Variants in CPPED1 observed in about 807,000 individuals in gnomAD.
The protein encoded by CPPED1 is calcineurin like phosphoesterase domain containing 1, also known as serine/threonine-protein phosphatase CPPED1.
Under a neutral mutation model 28.0 loss-of-function variants are expected in CPPED1, and 28 were observed. The observed-to-expected ratio is 1.00, with a 90% confidence interval of 0.74 to 1.37. The LOEUF (loss-of-function observed/expected upper bound fraction) is 1.37. Among genes scored for constraint, CPPED1 ranks in the 40% most tolerant of loss-of-function variants. CPPED1 has a pLI of 0.00. For synonymous variants in CPPED1, 198 were observed against 180.2 expected (o/e 1.10, Z -0.79); for missense variants, 504 against 416.5 (o/e 1.21, Z -1.83).
At position 12,682,178 on chromosome 16, in the gene CPPED1, G is replaced by A. The variant is rs376414974; in HGVS notation, c.716-17063C>T. Reference sequence around the variant, plus strand: ...GCCTCCCGAGTAGCTGAGATTACAGGTTCCCGCTACCATGCCCAGCTAATT... The same window carrying A: ...GCCTCCCGAGTAGCTGAGATTACAGATTCCCGCTACCATGCCCAGCTAATT... On this transcript the variant is annotated intron_variant, in intron 3 of 3. Coordinates refer to ENST00000381774, the MANE Select transcript of CPPED1 (RefSeq NM_018340.3). This position sits in a 1 kb window ranked among gnomAD's most constrained non-coding sequence, Gnocchi z 6.1. 1.8e-4 allele frequency among the ~76,000 whole-genome samples: 27 copies of A among 152,122 alleles called. No individual in the cohort carries two copies. Among genetic ancestry groups the A allele is most frequent in the African/African-American group, 6.5e-4 (27 of 41,488 alleles).
chr16:12,707,624 T>C (rs1210423860), intron 2 of CPPED1, among the ~76,000 whole-genome samples: 3 of 152,070 alleles, frequency 2.0e-5, no homozygotes, highest in African/African-American at 7.2e-5. Flanking sequence ...GAATCCCTAA[T>C]GACCATAAAC....
chr16:12,800,365 G>A (rs1207243062), intron 1 of CPPED1, among the ~76,000 whole-genome samples: 3 of 151,842 alleles, frequency 2.0e-5, no homozygotes, highest in Admixed American at 2.0e-4. Flanking sequence ...TTGAACGTGG[G>A]AGGTGGAGGT....
At chr16:12,767,837 G>A (rs1471677250) in intron 2 of CPPED1, among the ~76,000 whole-genome samples, 1 of 152,124 alleles carries the variant, frequency 6.6e-6, no homozygotes, top group East Asian at 1.9e-4. Flanking sequence ...GGCACCTGTA[G>A]TCCCAGTTAC....
intron 3 of CPPED1, among the ~76,000 whole-genome samples, chr16:12,668,591 CTAA>C (rs1321878438): frequency 6.6e-6 from 1 of 152,134 alleles, no homozygotes; most frequent in East Asian, 1.9e-4. Context: ...AATCATGTAT[CTAA>C]TAAGGGTCTA....
intron 3 of CPPED1, among the ~76,000 whole-genome samples, chr16:12,684,095 C>A (rs181387845): frequency 3.6e-4 from 55 of 152,328 alleles, no homozygotes; most frequent in African/African-American, 1.3e-3. Context: ...CCACACACAG[C>A]TGCATGGGGG....
At position 12,704,946 on chromosome 16, in the gene CPPED1, G is replaced by A; in HGVS notation, c.393C>T (p.Gly131=). 1 of 1,614,180 alleles carries A rather than the reference G, an allele frequency of 6.2e-7. No homozygotes were observed. Among genetic ancestry groups the A allele is most frequent in the Non-Finnish European group, 8.5e-7 (1 of 1,180,036 alleles). The change falls in exon 3 of 4, where the codon GGC becomes GGT. Residue 131 remains glycine (G), a synonymous_variant. Transcript: ENST00000381774. ...LVLVSGNHDI[G]NTPTAETVEE... is the part of the protein sequence containing the mutation. The stretch of plus-strand genomic sequence containing the variant: ...CGACGGTCTCGGCCGTGGGGGTGTT[G>A]CCAATGTCATGGTTGCCGCTGACAA...
At chr16:12,788,087 C>T (rs2080575060) in intron 1 of CPPED1, among the ~76,000 whole-genome samples, 1 of 152,330 alleles carries the variant, frequency 6.6e-6, no homozygotes, top group East Asian at 1.9e-4. Flanking sequence ...TCCAATATGG[C>T]AGCTTGCAAT....
At chr16:12,760,135 T>C (rs1203875128) in intron 2 of CPPED1, among the ~76,000 whole-genome samples, 1 of 152,230 alleles carries the variant, frequency 6.6e-6, no homozygotes, top group East Asian at 1.9e-4. Flanking sequence ...GTGCTGAGTA[T>C]GACGCTGAAT....
intron 3 of CPPED1, among the ~76,000 whole-genome samples, chr16:12,694,051 C>A (rs536615055): frequency 6.6e-6 from 1 of 152,058 alleles, no homozygotes; most frequent in Non-Finnish European, 1.5e-5. Context: ...TCTAAAAATA[C>A]AAAAATTAGC....
At chr16:12,772,652 A>T (rs2080476624) in intron 2 of CPPED1, among the ~76,000 whole-genome samples, 1 of 152,198 alleles carries the variant, frequency 6.6e-6, no homozygotes, top group South Asian at 2.1e-4. Context: ...ACTTCTGAAA[A>T]TGCAGTTACT....
At chr16:12,789,496 C>G (rs1175654121) in intron 1 of CPPED1, among the ~76,000 whole-genome samples, 1 of 152,028 alleles carries the variant, frequency 6.6e-6, no homozygotes, top group East Asian at 1.9e-4. Context: ...AGCCAAACAA[C>G]AAGCCAGGAA....
At position 12,704,739 on chromosome 16, in the gene CPPED1, G is replaced by C. The variant is rs372330123; in HGVS notation, c.600C>G (p.Ala200=). Residue 200 remains alanine (A), a synonymous_variant, in exon 3 of 4, where the codon GCC becomes GCG. Coordinates refer to ENST00000381774, the MANE Select transcript of CPPED1 (RefSeq NM_018340.3). ...ACAGCGGGATGTGCTGGAAGACGAT[G>C]GCATGCTGGCAGTGCCGCTGCCTCG... The part of the protein sequence containing the change: ...SIARQRHCQH[A]IVFQHIPLFL... The C allele has an allele frequency of 1.2e-6, 2 of 1,614,094 alleles. No individual in the cohort carries two copies. Among genetic ancestry groups the C allele is most frequent in the Non-Finnish European group, 1.7e-6 (2 of 1,180,042 alleles).
intron 2 of CPPED1, among the ~76,000 whole-genome samples, chr16:12,743,857 T>G (rs1320031446): frequency 6.6e-6 from 1 of 151,920 alleles, no homozygotes; most frequent in East Asian, 1.9e-4. Flanking sequence ...ATACAAACAT[T>G]ACCCAGGAGT....
chr16:12,739,630 G>C (rs1336490113), intron 2 of CPPED1, among the ~76,000 whole-genome samples: 1 of 152,118 alleles, frequency 6.6e-6, no homozygotes, highest in Non-Finnish European at 1.5e-5. Context: ...CAAGAGTGGG[G>C]CAGATTGCTA....
chr16:12,791,221 C>T (rs1376512954), intron 1 of CPPED1, among the ~76,000 whole-genome samples: 2 of 151,964 alleles, frequency 1.3e-5, no homozygotes, highest in Non-Finnish European at 2.9e-5. Context: ...CCCTTGCCCC[C>T]GACCTCCCAA....
chr16:12,691,616 T>C (rs1040158000), intron 3 of CPPED1, among the ~76,000 whole-genome samples: 3 of 152,100 alleles, frequency 2.0e-5, no homozygotes, highest in African/African-American at 7.2e-5. Flanking sequence ...ATATACAGCA[T>C]GGAATACTAT....
rs113544358 is a variant in CPPED1 at position 12,709,905 on chromosome 16, G to GGGGAAGGAA, written c.290-4865_290-4857dup. 6.6e-4 allele frequency among the ~76,000 whole-genome samples: 89 copies of GGGGAAGGAA among 135,100 alleles called. 1 individual carries two copies. Among genetic ancestry groups the GGGGAAGGAA allele is most frequent in the Non-Finnish European group, 8.1e-4 (53 of 65,188 alleles). The allele number at this position is 135,100 out of a possible 152,430, so 88.6% of individuals were successfully genotyped here. A position where few individuals can be genotyped will look rare whatever the true frequency, so the allele number is the denominator to read the frequency against. ...AGGAAGGGAAGGAAGGGAAAGACGG[G>GGGGAAGGAA]GGGAAGGAAGGGAAGGAAGGGAAGG... On this transcript the variant is annotated intron_variant, in intron 2 of 3. Transcript: ENST00000381774. The surrounding 1 kb of genome is among the most constrained non-coding windows in gnomAD (Gnocchi z 4.4).
intron 3 of CPPED1, among the ~76,000 whole-genome samples, chr16:12,677,367 G>A (rs759541172): frequency 5.2e-4 from 79 of 152,352 alleles, no homozygotes; most frequent in African/African-American, 1.8e-3. Flanking sequence ...GGCTGGGCGC[G>A]GTGGCTTATG....
At chr16:12,782,761 C>T (rs963743748) in intron 1 of CPPED1, among the ~76,000 whole-genome samples, 22 of 151,960 alleles carry the variant, frequency 1.4e-4, no homozygotes, top group African/African-American at 2.4e-5. Flanking sequence ...ATCCCAGCTA[C>T]TTGGGAGGCT....
Sources: gnomAD v4.1 joint callset for allele counts (sites outside exome capture counted in the v4.1 genomes callset) on GRCh38, gnomAD v4.1.1 for gene constraint, Gnocchi (gnomAD v3.1) non-coding constraint, MANE v1.5 for transcripts, NCBI Gene and HGNC (gene_info 2026-07-23, HGNC 2026-07-21) for gene names.